Variants in ZNF611 observed in about 807,000 individuals in gnomAD.
ZNF611 encodes the protein zinc finger protein 611.
Under a neutral mutation model 8.9 loss-of-function variants are expected in ZNF611, and 6 were observed. That is an observed-to-expected ratio of 0.68 (90% CI 0.37 to 1.34). ZNF611 has a LOEUF of 1.34. Ranked by LOEUF, ZNF611 falls within the 40% of genes most tolerant of loss-of-function variation. The probability of loss-of-function intolerance (pLI) is 0.02; values close to 1 mark genes in which losing one functional copy is unlikely to be tolerated. For synonymous variants in ZNF611, 262 were observed against 279.7 expected, an observed-to-expected ratio of 0.94 and a Z score of 0.63; for missense variants, 874 against 841.3, an observed-to-expected ratio of 1.04 and a Z score of -0.48.
intron 5 of ZNF611, 119 bp downstream of exon 5, chr19:52,713,896 A>G (rs763742125): frequency 1.1e-4 from 175 of 1,548,174 alleles, no homozygotes; most frequent in Non-Finnish European, 1.5e-4. Flanking sequence ...CATCTCAAAA[A>G]CAAAAAACAA....
intron 3 of ZNF611, among the ~76,000 whole-genome samples, chr19:52,722,832 G>C (rs949614750): frequency 1.4e-4 from 21 of 151,814 alleles, no homozygotes; most frequent in African/African-American, 4.3e-4. Context: ...CTGGGCTCAA[G>C]TGATCCTCCA....
At chr19:52,728,312 G>T (rs1415795753) in intron 3 of ZNF611, among the ~76,000 whole-genome samples, 1 of 152,196 alleles carries the variant, frequency 6.6e-6, no homozygotes, top group South Asian at 2.1e-4. Context: ...GCCGAGGCTG[G>T]AGGATCATCT....
chr19:52,706,518 T>C lies in ZNF611; in HGVS notation c.537A>G (p.Gln179=). 3 of 1,614,196 alleles carry C rather than the reference T, an allele frequency of 1.9e-6. No homozygotes were observed. The highest frequency in any genetic ancestry group is 2.5e-6 in the Non-Finnish European group (3 of 1,180,038). Residue 179 remains glutamine, a synonymous_variant, in exon 6 of 6, where the codon CAA becomes CAG. Transcript: ENST00000652185. ...GAGCATCATTAGTAGACTTCTCAAG[T>C]TGATTACCAATTTCACCTTTGATCT... is the stretch of plus-strand genomic sequence containing the variant. ...IFQIKGEIGN[Q]LEKSTNDAPS... is the part of the protein sequence containing the mutation.
chr19:52,715,896 A>T lies in ZNF611; in HGVS notation c.-2T>A. ...CTGAGCTGCTTCCTCACGTAACATG[A>T]GTCTTTAGGAATCAATCCTGTATGT... On this transcript the variant is annotated 5_prime_UTR_variant, in exon 4 of 6. Transcript: ENST00000652185. 1.9e-6 allele frequency: 3 copies of T among 1,613,374 alleles called. No individual in the cohort carries two copies. Among genetic ancestry groups the T allele is most frequent in the Non-Finnish European group, 2.5e-6 (3 of 1,179,790 alleles).
At chr19:52,714,510 A>G (rs1259913114) in intron 4 of ZNF611, among the ~76,000 whole-genome samples, 2 of 151,772 alleles carry the variant, frequency 1.3e-5, no homozygotes, top group Non-Finnish European at 2.9e-5. Flanking sequence ...CAATGTGGTG[A>G]AAAACTGTCT....
At position 52,706,659 on chromosome 19, in the gene ZNF611, T is replaced by A. The variant is rs145088078; in HGVS notation, c.396A>T (p.Ile132=). Residue 132 remains isoleucine, a synonymous_variant, in exon 6 of 6, where the codon ATA becomes ATT. Transcript: ENST00000652185. ...RNGLEAPMTK[I]KKLTGSTDQH... Reference sequence around the variant, plus strand: ...GGTCTGTGCTACCAGTCAACTTTTTTATTTTTGTCATGGGTGCTTCAAGGC... The same window carrying A: ...GGTCTGTGCTACCAGTCAACTTTTTAATTTTTGTCATGGGTGCTTCAAGGC... 5.5e-5 allele frequency: 89 copies of A among 1,613,846 alleles called. No individual in the cohort carries two copies. The African/African-American group carries it at 8.9e-4, about 16-fold the overall frequency.
chr19:52,720,109 T>A (rs2062345220), intron 3 of ZNF611, among the ~76,000 whole-genome samples: 1 of 152,214 alleles, frequency 6.6e-6, no homozygotes, highest in Admixed American at 6.5e-5. Flanking sequence ...ATTAACAGCA[T>A]CTCAAGGCAG....
intron 3 of ZNF611, among the ~76,000 whole-genome samples, chr19:52,721,429 G>A (rs978923634): frequency 1.3e-5 from 2 of 152,176 alleles, no homozygotes; most frequent in Non-Finnish European, 2.9e-5. Flanking sequence ...CTGCAATCCC[G>A]GCACCTCGGG....
At chr19:52,730,496 T>TCC (rs2062419877) in intron 1 of ZNF611, among the ~76,000 whole-genome samples, 1 of 151,396 alleles carries the variant, frequency 6.6e-6, no homozygotes, top group Non-Finnish European at 1.5e-5. Context: ...TCCAATAGGA[T>TCC]GTTCCTGCAG....
rs767634428 is a variant in ZNF611, at chr19:52,705,889, TTA to T, written c.1164_1165del (p.His388GlnfsTer13). 6.2e-6 allele frequency: 10 copies of T among 1,614,134 alleles called. No individual in the cohort carries two copies. The highest frequency in any genetic ancestry group is 8.5e-6 in the Non-Finnish European group (10 of 1,179,954). On this transcript the variant is annotated frameshift_variant, in exon 6 of 6. Transcript: ENST00000652185. LOFTEE classifies it low-confidence loss of function (END_TRUNC). ...TGGTTTCTCTCCAGTATGAATTCTC[TTA>T]TGTGTCTCAATGGTTGATTTCCGAC...
intron 3 of ZNF611, among the ~76,000 whole-genome samples, chr19:52,726,455 C>T (rs1053630380): frequency 3.9e-5 from 6 of 152,270 alleles, no homozygotes; most frequent in Admixed American, 2.6e-4. Flanking sequence ...GAGTCTTGCT[C>T]TGTCACCCAG....
chr19:52,704,636 G>A lies in ZNF611; in HGVS notation c.*301C>T. 1 of 1,589,124 alleles carries A rather than the reference G, an allele frequency of 6.3e-7. No homozygotes were observed. The highest frequency in any genetic ancestry group is 8.6e-7 in the Non-Finnish European group (1 of 1,158,482). On this transcript the variant is annotated 3_prime_UTR_variant, in exon 6 of 6. Coordinates refer to ENST00000652185, the MANE Select transcript of ZNF611 (RefSeq NM_001161499.2). Reference sequence around the variant, plus strand: ...CTCTCTTCATTATGGATTCTCCAATGATTTGTAATCGTTGTAGCATTACTG... The same window carrying A: ...CTCTCTTCATTATGGATTCTCCAATAATTTGTAATCGTTGTAGCATTACTG...
At chr19:52,718,883 A>G (rs1217109953) in intron 3 of ZNF611, among the ~76,000 whole-genome samples, 2 of 152,148 alleles carry the variant, frequency 1.3e-5, no homozygotes, top group African/African-American at 2.4e-5. Context: ...ATGAAAAGCA[A>G]CTAATGAGGC....
intron 3 of ZNF611, among the ~76,000 whole-genome samples, chr19:52,719,815 G>C (rs1238194735): frequency 6.6e-6 from 1 of 152,188 alleles, no homozygotes; most frequent in African/African-American, 2.4e-5. Flanking sequence ...GTTTCTCAGA[G>C]AGGGGGATGT....
intron 1 of ZNF611, among the ~76,000 whole-genome samples, chr19:52,734,132 CTAT>C (rs2062442051): frequency 1.1e-4 from 2 of 17,920 alleles, no homozygotes; most frequent in Non-Finnish European, 2.3e-4. Context: ...CTCTGTACAT[CTAT>C]CTAGCCTTTC....
Position 52,706,199 on chromosome 19 carries a change from G to T in ZNF611, c.856C>A (p.Pro286Thr). Reference sequence around the variant, plus strand: ...TTGCCACACTCTTTACACTTGTAAGGTTTCTCAACAGTGTGACATCTATCA... The same window carrying T: ...TTGCCACACTCTTTACACTTGTAAGTTTTCTCAACAGTGTGACATCTATCA... ...CHDRCHTVEK[P>T]YKCKECGKTF... The change falls in exon 6 of 6, where the codon CCT (proline) becomes ACT (threonine). Residue 286 changes from proline to threonine, a missense_variant. Coordinates refer to ENST00000652185, the MANE Select transcript of ZNF611 (RefSeq NM_001161499.2). The T allele has an allele frequency of 6.2e-7, 1 of 1,614,158 alleles. No individual in the cohort carries two copies. Among genetic ancestry groups the T allele is most frequent in the East Asian group, 2.2e-5 (1 of 44,886 alleles).
intron 4 of ZNF611, among the ~76,000 whole-genome samples, chr19:52,715,458 A>G (rs1389798226): frequency 2.0e-5 from 3 of 152,242 alleles, no homozygotes; most frequent in Non-Finnish European, 2.9e-5. Flanking sequence ...TTCCAGAATT[A>G]ACCACACATC....
chr19:52,705,735 G>A lies in ZNF611; in HGVS notation c.1320C>T (p.Ser440=). The A allele has an allele frequency of 3.7e-6, 6 of 1,613,986 alleles. No homozygotes were observed. Among genetic ancestry groups the A allele is most frequent in the Non-Finnish European group, 5.1e-6 (6 of 1,179,954 alleles). ...CATGAAGTCTATGATGGCATACAAG[G>A]GATGACTTGTGACTGAAGGTCTTGC... is the stretch of plus-strand genomic sequence containing the variant. The part of the protein sequence containing the change: ...ECGKTFSHKS[S]LVCHHRLHGG... The change falls in exon 6 of 6, where the codon TCC becomes TCT. Residue 440 remains serine, a synonymous_variant. Transcript: ENST00000652185.
intron 3 of ZNF611, chr19:52,721,097 G>A (rs925127125): frequency 8.4e-5 from 13 of 154,570 alleles, no homozygotes; most frequent in African/African-American, 2.7e-4. Context: ...GCCAGGAAGA[G>A]ACGCTCCTCA....
Sources: gnomAD v4.1 joint callset for allele counts (sites outside exome capture counted in the v4.1 genomes callset) on GRCh38, gnomAD v4.1.1 for gene constraint, MANE v1.5 for transcripts, NCBI Gene and HGNC (gene_info 2026-07-23, HGNC 2026-07-21) for gene names.